Variants in NRG3 observed in about 807,000 individuals in gnomAD.
The protein encoded by NRG3 is pro-neuregulin-3, membrane-bound isoform.
Under a neutral mutation model 66.9 loss-of-function variants are expected in NRG3, and 31 were observed. That is an observed-to-expected ratio of 0.46 (90% confidence interval 0.35 to 0.63). The LOEUF (loss-of-function observed/expected upper bound fraction) is 0.63. NRG3 is among the 20% of genes least tolerant of loss of function. The pLI is 0.00. For missense variants in NRG3, 910 were observed against 878.9 expected, an observed-to-expected ratio of 1.04 and a Z score of -0.45; for synonymous variants, 393 against 359.4, an observed-to-expected ratio of 1.09 and a Z score of -1.06.
chr10:82,673,406 T>A (rs2053442298), intron 2 of NRG3, among the ~76,000 whole-genome samples: 1 of 152,230 alleles, frequency 6.6e-6, no homozygotes, highest in Admixed American at 6.5e-5. Context: ...GGAACTTAAC[T>A]CTTATTTATA....
intron 1 of NRG3, among the ~76,000 whole-genome samples, chr10:82,351,245 A>G (rs1241022155): frequency 6.6e-6 from 1 of 152,212 alleles, no homozygotes; most frequent in Non-Finnish European, 1.5e-5. Context: ...CAGGGAGACC[A>G]GACAGGAGGC....
intron 1 of NRG3, among the ~76,000 whole-genome samples, chr10:82,337,268 C>G (rs565541155): frequency 5.2e-4 from 79 of 152,172 alleles, no homozygotes; most frequent in Non-Finnish European, 9.4e-4. Flanking sequence ...AATATGCAGA[C>G]TTATGCCTAC....
intron 1 of NRG3, among the ~76,000 whole-genome samples, chr10:82,300,951 C>A (rs532030593): frequency 5.9e-5 from 9 of 151,838 alleles, no homozygotes; most frequent in African/African-American, 1.2e-4. Context: ...GGCAACCTAC[C>A]AAGACCCCCA....
chr10:82,801,913 C>G (rs1393433902), intron 3 of NRG3, among the ~76,000 whole-genome samples: 1 of 152,130 alleles, frequency 6.6e-6, no homozygotes, highest in African/African-American at 2.4e-5. Flanking sequence ...TTGCTTTCTT[C>G]GGGTTCCTTT....
chr10:82,924,835 G>A (rs1157240040), intron 4 of NRG3, among the ~76,000 whole-genome samples: 7 of 152,140 alleles, frequency 4.6e-5, no homozygotes, highest in Middle Eastern at 3.2e-3. Flanking sequence ...ATTCTTGGCT[G>A]TTTAGCAGTT....
At chr10:82,539,907 C>T (rs1174681222) in intron 2 of NRG3, among the ~76,000 whole-genome samples, 1 of 152,202 alleles carries the variant, frequency 6.6e-6, no homozygotes, top group Non-Finnish European at 1.5e-5. Context: ...GCTGGGATTA[C>T]AGGCGTGAGC....
chr10:82,661,706 C>T (rs967238506), intron 2 of NRG3, among the ~76,000 whole-genome samples: 5 of 152,124 alleles, frequency 3.3e-5, no homozygotes, highest in Non-Finnish European at 7.4e-5. Context: ...ATGTGTGTGG[C>T]GTATTTATGT....
At chr10:82,414,963 A>T (rs1302895095) in intron 2 of NRG3, among the ~76,000 whole-genome samples, 2 of 152,184 alleles carry the variant, frequency 1.3e-5, no homozygotes, top group African/African-American at 4.8e-5. Flanking sequence ...CCCATTATCA[A>T]GGATAATCTC....
At chr10:82,728,134 A>T (rs2057706213) in intron 2 of NRG3, among the ~76,000 whole-genome samples, 1 of 152,146 alleles carries the variant, frequency 6.6e-6, no homozygotes, top group African/African-American at 2.4e-5. Context: ...GTCTCAGATG[A>T]GACGTTGGAC....
intron 3 of NRG3, among the ~76,000 whole-genome samples, chr10:82,819,739 T>C (rs2061864463): frequency 6.6e-6 from 1 of 152,158 alleles, no homozygotes; most frequent in Admixed American, 6.5e-5. Context: ...CTTTGCTGAG[T>C]TCCATAAGAA....
Position 82,400,163 on chromosome 10 carries a change from T to C in NRG3, c.953+41295T>C, listed in dbSNP as rs148176852. Among the ~76,000 whole-genome samples the C allele has an allele frequency of 3.1e-4, 47 of 152,270 alleles. No individual in the cohort carries two copies. The East Asian group carries it at 7.7e-3, about 25-fold the overall frequency. On this transcript the variant is annotated intron_variant, in intron 2 of 8. Transcript: ENST00000372141. ...TTTTAGAGATGCAGTTCAGAGAATT[T>C]AAGTGATAAAATTATCTAGTAATAA...
intron 2 of NRG3, among the ~76,000 whole-genome samples, chr10:82,652,228 G>C (rs576866738): frequency 6.6e-6 from 1 of 152,164 alleles, no homozygotes; most frequent in Non-Finnish European, 1.5e-5. Flanking sequence ...CCATGAAGCC[G>C]CAGAGGCAGC....
At chr10:82,749,621 C>A (rs908152236) in intron 3 of NRG3, among the ~76,000 whole-genome samples, 1 of 152,076 alleles carries the variant, frequency 6.6e-6, no homozygotes, top group African/African-American at 2.4e-5. Flanking sequence ...GAGGATGGTG[C>A]CTCCTTCTGA....
chr10:82,384,777 T>A (rs1003692610), intron 2 of NRG3, among the ~76,000 whole-genome samples: 5 of 152,216 alleles, frequency 3.3e-5, no homozygotes, highest in African/African-American at 1.2e-4. Flanking sequence ...AGATTTATAT[T>A]CCTTTGGGTA....
intron 1 of NRG3, among the ~76,000 whole-genome samples, chr10:81,892,585 T>A (rs1285165708): frequency 6.6e-6 from 1 of 152,118 alleles, no homozygotes. Flanking sequence ...GGGATTTTGA[T>A]ATCAGAATGT....
intron 1 of NRG3, chr10:82,230,149 A>G (rs2076386457): frequency 6.6e-6 from 1 of 152,222 alleles, no homozygotes; most frequent in African/African-American, 2.4e-5. Context: ...TTTTGTTTGG[A>G]AGCCCAACAT....
chr10:81,979,059 C>T (rs1390060112), intron 1 of NRG3, among the ~76,000 whole-genome samples: 2 of 151,992 alleles, frequency 1.3e-5, no homozygotes, highest in African/African-American at 4.8e-5. Context: ...CGTAGTGGCG[C>T]ACGCCTGTAG....
At chr10:82,246,319 C>T (rs2077242514) in intron 1 of NRG3, among the ~76,000 whole-genome samples, 2 of 152,042 alleles carry the variant, frequency 1.3e-5, no homozygotes, top group Admixed American at 1.3e-4. Flanking sequence ...CTTGATATGC[C>T]TCATTTTTGT....
At chr10:82,522,981 G>T (rs1168937619) in intron 2 of NRG3, among the ~76,000 whole-genome samples, 1 of 152,062 alleles carries the variant, frequency 6.6e-6, no homozygotes, top group East Asian at 1.9e-4. Flanking sequence ...CTCTATAAAT[G>T]TGCATATTTT....
Sources: gnomAD v4.1 joint callset for allele counts (sites outside exome capture counted in the v4.1 genomes callset) on GRCh38, gnomAD v4.1.1 for gene constraint, MANE v1.5 for transcripts, NCBI Gene and HGNC (gene_info 2026-07-23, HGNC 2026-07-21) for gene names.